The following PCNT variants were observed in gnomAD, a reference collection of about 807,000 sequenced individuals.
PCNT encodes kendrin.
A neutral mutation model predicts 380.4 loss-of-function variants in PCNT; 319 were observed. That is an observed-to-expected ratio of 0.84 (90% CI 0.77 to 0.92). The LOEUF (loss-of-function observed/expected upper bound fraction) is 0.92, where lower values mean the gene tolerates loss of function less well. Ranked by LOEUF, PCNT falls within the 40% of genes least tolerant of loss-of-function variation. The pLI is 0.00. For synonymous variants in PCNT, 1,845 were observed against 1,735.2 expected, an observed-to-expected ratio of 1.06 and a Z score of -1.57; for missense variants, 4,400 against 4,255.3, an observed-to-expected ratio of 1.03 and a Z score of -0.95.
At chr21:46,325,595 G>C (rs1181452786) in intron 1 of PCNT, among the ~76,000 whole-genome samples, 2 of 152,224 alleles carry the variant, frequency 1.3e-5, no homozygotes, top group Non-Finnish European at 2.9e-5. Flanking sequence ...ATGAGCTTGT[G>C]TACTTGTGTT....
chr21:46,389,492 A>G (rs2085959574), intron 19 of PCNT, 61 bp downstream of exon 19: 2 of 1,389,666 alleles, frequency 1.4e-6, no homozygotes, highest in Non-Finnish European at 2.0e-6. Context: ...TGATGATGCC[A>G]CACGAGCCTG....
At chr21:46,400,042 C>T (rs2086368978) in intron 25 of PCNT, among the ~76,000 whole-genome samples, 1 of 152,178 alleles carries the variant, frequency 6.6e-6, no homozygotes, top group South Asian at 2.1e-4. Context: ...CTTTATGTCT[C>T]AAGAACTCTG....
At chr21:46,430,971 G>A (rs1051687834) in intron 37 of PCNT, 1 of 985,440 alleles carries the variant, frequency 1.0e-6, no homozygotes, top group Non-Finnish European at 1.2e-6. Flanking sequence ...CACAGCCTCA[G>A]AGGTCTGTGC....
intron 32 of PCNT, among the ~76,000 whole-genome samples, chr21:46,424,877 T>A (rs967716064): frequency 6.6e-6 from 1 of 152,168 alleles, no homozygotes; most frequent in African/African-American, 2.4e-5. Context: ...TGTTTTCAGT[T>A]GTTAGAGATG....
intron 2 of PCNT, among the ~76,000 whole-genome samples, chr21:46,330,022 G>A (rs2083507571): frequency 6.6e-6 from 1 of 152,150 alleles, no homozygotes; most frequent in Admixed American, 6.5e-5. Context: ...GCAAAGGTCA[G>A]GTACCAGTCA....
At chr21:46,435,801 C>G in intron 38 of PCNT, 103 bp from the exon 39 acceptor site, 4 of 1,405,918 alleles carry the variant, frequency 2.8e-6, no homozygotes, top group Non-Finnish European at 4.0e-6. Flanking sequence ...CTCGGCCTCC[C>G]AAAGTGCTAG....
chr21:46,383,769 C>T (rs1282453211), intron 16 of PCNT, among the ~76,000 whole-genome samples: 2 of 132,886 alleles, frequency 1.5e-5, no homozygotes, highest in African/African-American at 2.7e-5. Flanking sequence ...GCAGCGGAAG[C>T]GCATTCACGG....
intron 38 of PCNT, among the ~76,000 whole-genome samples, chr21:46,435,214 GT>G (rs1019348281): frequency 6.6e-6 from 1 of 151,664 alleles, no homozygotes; most frequent in Non-Finnish European, 1.5e-5. Context: ...GGCAGTTGTT[GT>G]TTTTTTTGTT....
At chr21:46,356,525 G>GA (rs1212162700) in intron 12 of PCNT, among the ~76,000 whole-genome samples, 1 of 152,250 alleles carries the variant, frequency 6.6e-6, no homozygotes, top group Non-Finnish European at 1.5e-5. Flanking sequence ...CCTGGGCACA[G>GA]AACAGCAGGG....
rs1039669303 is a variant in PCNT at position 46,426,544 on chromosome 21, G to A, written c.7320+573G>A. ...GTCCCTCCTGGCCATGTGGCCCTGC[G>A]GACTCGGCCCATTCCAGCACTTGTC... On this transcript the variant is annotated intron_variant, in intron 33 of 46. Transcript: ENST00000359568. 1.9e-4 allele frequency among the ~76,000 whole-genome samples: 29 copies of A among 152,150 alleles called. 1 individual carries two copies. The highest frequency in any genetic ancestry group is 4.0e-4 in the Non-Finnish European group (27 of 68,012).
At chr21:46,444,077 G>C (rs551958669) in intron 45 of PCNT, 129 bp downstream of exon 45, 5 of 977,242 alleles carry the variant, frequency 5.1e-6, no homozygotes, top group East Asian at 2.6e-5. Flanking sequence ...ACTCTCCAGC[G>C]TGAGTCCGTG....
chr21:46,412,005 G>A lies in PCNT; in HGVS notation c.5932G>A (p.Val1978Ile). The change falls in exon 28 of 47, where the codon GTC becomes ATC. Residue 1978 changes from valine (V) to isoleucine (I), a missense_variant. Transcript: ENST00000359568. ...PRMDGGAKAQ[V>I]TGDVEASHDA... ...CATGGATGGTGGCGCCAAGGCCCAG[G>A]TCACCGGCGACGTGGAGGCCTCCCA... 5 of 1,606,938 alleles carry A rather than the reference G, an allele frequency of 3.1e-6. No homozygotes were observed. The highest frequency in any genetic ancestry group is 4.2e-6 in the Non-Finnish European group (5 of 1,179,840).
In PCNT at chr21:46,382,385, G is replaced by A. The variant is rs143867240; in HGVS notation, c.3312+545G>A. Among the ~76,000 whole-genome samples, 54 of 145,574 alleles carry A rather than the reference G, an allele frequency of 3.7e-4. 8 individuals are homozygous for A. Among genetic ancestry groups the A allele is most frequent in the African/African-American group, 6.0e-4 (24 of 39,734 alleles). On this transcript the variant is annotated intron_variant, in intron 16 of 46. Coordinates refer to ENST00000359568, the MANE Select transcript of PCNT (RefSeq NM_006031.6). ...GTGTTGTATATTCAGTGACGGAAGC[G>A]CATTCACAGTGCTGTGCATTCAGCA...
intron 1 of PCNT, among the ~76,000 whole-genome samples, chr21:46,324,650 C>T (rs1050548932): frequency 1.3e-5 from 2 of 151,364 alleles, no homozygotes; most frequent in African/African-American, 4.8e-5. Context: ...GGCGTGGCTG[C>T]ACGGAGGGGG....
intron 15 of PCNT, among the ~76,000 whole-genome samples, chr21:46,380,930 C>A (rs985304476): frequency 3.3e-5 from 5 of 152,006 alleles, no homozygotes; most frequent in African/African-American, 1.2e-4. Context: ...TTTTGGAGGC[C>A]AGTGTGGGTG....
intron 15 of PCNT, among the ~76,000 whole-genome samples, chr21:46,374,291 C>T (rs978582260): frequency 6.6e-6 from 1 of 152,040 alleles, no homozygotes; most frequent in African/African-American, 2.4e-5. Context: ...AGGTGTTTTC[C>T]CCCAATACAG....
chr21:46,435,824 G>T, intron 38 of PCNT, 80 bp from the exon 39 acceptor site: 1 of 1,564,514 alleles, frequency 6.4e-7, no homozygotes. Context: ...TTACAGGCAT[G>T]AACCACCGCG....
At position 46,388,758 on chromosome 21, in the gene PCNT, G is replaced by T. The variant is rs150279909; in HGVS notation, c.3481G>T (p.Ala1161Ser). ...CTGTCTCAGAGGGGCCCTCCAGGAC[G>T]CCCTGCGCAGGCTGCTGGGTTTGTT... The part of the protein sequence containing the change: ...SHSERGALQD[A>S]LRRLLGLFGE... Residue 1161 changes from alanine (A) to serine (S), a missense_variant, in exon 18 of 47, where the codon GCC becomes TCC. Transcript: ENST00000359568. The surrounding 1 kb of genome is among the most constrained non-coding windows in gnomAD (Gnocchi z 4.2). 10 of 1,613,740 alleles carry T rather than the reference G, an allele frequency of 6.2e-6. No individual in the cohort carries two copies. The South Asian group carries it at 7.7e-5, about 12-fold the overall frequency.
chr21:46,374,606 T>C lies in PCNT; in HGVS notation c.3166-7088T>C, dbSNP rs547909910. ...GGCTCACGCCTGTAATCCCAGCACT[T>C]TGGGAGGCCGAGGCGGGTGCATCAC... On this transcript the variant is annotated intron_variant, in intron 15 of 46. Transcript: ENST00000359568. Among the ~76,000 whole-genome samples the C allele has an allele frequency of 2.0e-5, 3 of 152,218 alleles. No individual in the cohort carries two copies. In the South Asian group the frequency reaches 6.2e-4, roughly 32 times the overall value.
Sources: allele counts gnomAD v4.1 joint callset (sites outside exome capture counted in the v4.1 genomes callset), GRCh38; gene constraint gnomAD v4.1.1; non-coding constraint Gnocchi (gnomAD v3.1); transcripts MANE v1.5; gene names NCBI Gene and HGNC (gene_info 2026-07-23, HGNC 2026-07-21).